The following TRIM66 variants were observed in gnomAD, a reference collection of about 807,000 sequenced individuals.
TRIM66 encodes the protein tripartite motif-containing protein 66.
TRIM66 carries 99 observed loss-of-function variants against 148.2 expected under a neutral mutation model. That is an observed-to-expected ratio of 0.67 (90% CI 0.57 to 0.79). TRIM66 has a LOEUF of 0.79. Ranked by LOEUF, TRIM66 falls within the 30% of genes least tolerant of loss-of-function variation. The pLI is 0.00. For missense variants in TRIM66, 1,666 were observed against 1,697.9 expected (o/e 0.98, Z 0.33); for synonymous variants, 616 against 635.9 (o/e 0.97, Z 0.47).
At chr11:8,676,246 T>G (rs1416001722) in intron 3 of TRIM66, among the ~76,000 whole-genome samples, 1 of 152,198 alleles carries the variant, frequency 6.6e-6, no homozygotes, top group Non-Finnish European at 1.5e-5. Flanking sequence ...TTTTTTTTTT[T>G]TTAACCGGCA....
At chr11:8,682,739 C>A (rs2039504018), upstream of TRIM66, 3 of 1,588,670 alleles carry the variant, frequency 1.9e-6, no homozygotes, top group Non-Finnish European at 2.6e-6. Flanking sequence ...GGAAGTGAGG[C>A]GTTTTGCCCC....
intron 1 of TRIM66, among the ~76,000 whole-genome samples, chr11:8,681,556 TATTTC>T (rs1482539806): frequency 5.9e-5 from 9 of 152,136 alleles, no homozygotes; most frequent in Non-Finnish European, 1.0e-4. Context: ...TTTAAAAATT[TATTTC>T]ATTTTTCCCA....
At chr11:8,670,015 TTA>T (rs1565572969) in intron 6 of TRIM66, among the ~76,000 whole-genome samples, 4 of 143,360 alleles carry the variant, frequency 2.8e-5, no homozygotes, top group East Asian at 4.5e-4. Flanking sequence ...TTGTTTTTAT[TTA>T]TTTTTTTTTT....
At chr11:8,671,256 T>C (rs922406790) in intron 6 of TRIM66, among the ~76,000 whole-genome samples, 3 of 152,224 alleles carry the variant, frequency 2.0e-5, no homozygotes, top group Non-Finnish European at 4.4e-5. Context: ...TGTGCTAGAA[T>C]AATAAAATGA....
At position 8,624,514 on chromosome 11, in the gene TRIM66, A is replaced by G. The variant is rs1386597710; in HGVS notation, c.2864T>C (p.Leu955Pro). The G allele has an allele frequency of 6.5e-7, 1 of 1,541,512 alleles. No individual in the cohort carries two copies. Among genetic ancestry groups the G allele is most frequent in the Admixed American group, 2.1e-5 (1 of 47,420 alleles). ...SEDSTRFTDL[L>P]GQGPIVPGLD... ...ACCGGGGACTATGGGACCTTGTCCCAGTAAGTCAGTGAAGCGAGTGGAATC... is the reference window on the plus strand; with the variant it reads ...ACCGGGGACTATGGGACCTTGTCCCGGTAAGTCAGTGAAGCGAGTGGAATC... Residue 955 changes from leucine (L) to proline (P), a missense_variant, in exon 17 of 25, where the codon CTG becomes CCG. Transcript: ENST00000646038.
Position 8,672,048 on chromosome 11 carries a change from A to G in TRIM66, c.78T>C (p.Ser26=). Residue 26 remains serine (S), a synonymous_variant, in exon 6 of 25, where the codon AGT becomes AGC. Coordinates refer to ENST00000646038, the MANE Select transcript of TRIM66 (RefSeq NM_001388022.1). ...CTGTGCCCAGGACTGGGGCTTTTCC[A>G]CTGATATCCTCAGGTGAGAAGCAGC... ...STRCFSPEDI[S]GKAPVLGTGM... 1.3e-6 allele frequency: 2 copies of G among 1,535,682 alleles called. No individual in the cohort carries two copies. Among genetic ancestry groups the G allele is most frequent in the Non-Finnish European group, 1.7e-6 (2 of 1,146,846 alleles).
At chr11:8,682,838 T>A, upstream of TRIM66, 1 of 1,609,468 alleles carries the variant, frequency 6.2e-7, no homozygotes, top group Non-Finnish European at 8.5e-7. Flanking sequence ...GTTTCTTGCC[T>A]CCTCTTCCTT....
At chr11:8,622,026 G>GC (rs2034274034) in intron 18 of TRIM66, among the ~76,000 whole-genome samples, 1 of 151,978 alleles carries the variant, frequency 6.6e-6, no homozygotes, top group African/African-American at 2.4e-5. Context: ...CGAAAGGCAG[G>GC]CCCACCCTTA....
chr11:8,638,453 G>A (rs2036080517), intron 15 of TRIM66, among the ~76,000 whole-genome samples: 1 of 152,180 alleles, frequency 6.6e-6, no homozygotes, highest in Non-Finnish European at 1.5e-5. Flanking sequence ...CATTTTAAGT[G>A]TGCGTGGGGG....
intron 15 of TRIM66, among the ~76,000 whole-genome samples, chr11:8,625,463 T>TGTGTGTGTGTGTGTG: frequency 6.7e-6 from 1 of 148,250 alleles, no homozygotes; most frequent in African/African-American, 2.5e-5. Context: ...CGGAGAACTA[T>TGTGTGTGTGTGTGTG]TGTGTGTGTG....
At chr11:8,634,921 T>C (rs562701127) in intron 15 of TRIM66, among the ~76,000 whole-genome samples, 3 of 152,296 alleles carry the variant, frequency 2.0e-5, no homozygotes, top group South Asian at 4.1e-4. Context: ...TTCTTTTGAC[T>C]TTCCTGGCAC....
intron 6 of TRIM66, among the ~76,000 whole-genome samples, chr11:8,663,824 G>A (rs1401662040): frequency 6.6e-6 from 1 of 152,106 alleles, no homozygotes; most frequent in Non-Finnish European, 1.5e-5. Context: ...TGTCATTTGT[G>A]ACAACATGGT....
rs1565468481 is a variant in TRIM66, at chr11:8,618,973, T to TG, written c.3901-6dup. On this transcript the variant is annotated splice_region_variant and splice_polypyrimidine_tract_variant and intron_variant, in intron 23 of 24. Coordinates refer to ENST00000646038, the MANE Select transcript of TRIM66 (RefSeq NM_001388022.1). ...CTCTGCAACCTCGGAGTCAGGCTGATGGGGGAGGAGAGCAGTGATGGTCTA... is the reference window on the plus strand; with the variant it reads ...CTCTGCAACCTCGGAGTCAGGCTGATGGGGGGAGGAGAGCAGTGATGGTCTA... 2 of 1,551,000 alleles carry TG rather than the reference T, an allele frequency of 1.3e-6. No individual in the cohort carries two copies. Among genetic ancestry groups the TG allele is most frequent in the East Asian group, 4.9e-5 (2 of 40,900 alleles).
At chr11:8,619,606 G>T (rs1179066020) in intron 22 of TRIM66, 71 bp from the exon 23 acceptor site, 1 of 1,371,518 alleles carries the variant, frequency 7.3e-7, no homozygotes, top group Non-Finnish European at 9.6e-7. Flanking sequence ...GGATAAGAAG[G>T]AAGAAGAAAT....
intron 10 of TRIM66, among the ~76,000 whole-genome samples, chr11:8,647,189 T>C (rs1279925435): frequency 6.6e-6 from 1 of 152,008 alleles, no homozygotes; most frequent in African/African-American, 2.4e-5. Flanking sequence ...AGTAATTATG[T>C]ACAGTTGCAC....
At chr11:8,676,643 A>T (rs1357089237) in intron 3 of TRIM66, among the ~76,000 whole-genome samples, 1 of 152,234 alleles carries the variant, frequency 6.6e-6, no homozygotes, top group Non-Finnish European at 1.5e-5. Context: ...TGGTTAATTT[A>T]AAGGCACAGC....
intron 13 of TRIM66, among the ~76,000 whole-genome samples, chr11:8,641,920 G>T (rs1214510565): frequency 2.2e-4 from 33 of 152,152 alleles, no homozygotes; most frequent in Admixed American, 2.1e-3. Flanking sequence ...TAAGTTTCCT[G>T]AGGCCTCCCC....
chr11:8,624,282 C>T, intron 17 of TRIM66, 77 bp downstream of exon 17: 1 of 1,464,356 alleles, frequency 6.8e-7, no homozygotes, highest in Non-Finnish European at 9.2e-7. Context: ...TGTCTGCTGG[C>T]CTCTCTTACC....
In TRIM66 at chr11:8,628,080, C is replaced by T. The variant is rs143663424; in HGVS notation, c.2311-2852G>A. Among the ~76,000 whole-genome samples the T allele has an allele frequency of 1.3e-3, 191 of 152,294 alleles. 4 individuals are homozygous for T. The East Asian group carries it at 0.035, about 28-fold the overall frequency. On this transcript the variant is annotated intron_variant, in intron 15 of 24. Transcript: ENST00000646038. ...CTCCTAGGCTCAAGCCATCTTTCCA[C>T]CTTAGATTCCCAAAGTGCTGGGATT...
Sources: gnomAD v4.1 joint callset for allele counts (sites outside exome capture counted in the v4.1 genomes callset) on GRCh38, gnomAD v4.1.1 for gene constraint, MANE v1.5 for transcripts, NCBI Gene and HGNC (gene_info 2026-07-23, HGNC 2026-07-21) for gene names.